Variants in FOCAD observed in about 807,000 individuals in gnomAD.
The protein encoded by FOCAD is focadhesin.
FOCAD carries 198 observed loss-of-function variants against 225.6 expected under a neutral mutation model. The ratio of observed to expected loss-of-function variants is 0.88; its 90% CI spans 0.78 to 0.99. The LOEUF (loss-of-function observed/expected upper bound fraction) is 0.99. Ranked by LOEUF, FOCAD falls within the 50% of genes least tolerant of loss-of-function variation. The pLI is 0.00. For synonymous variants in FOCAD, 897 were observed against 755.0 expected, an observed-to-expected ratio of 1.19 and a Z score of -3.08; for missense variants, 2,713 against 2,123.6, an observed-to-expected ratio of 1.28 and a Z score of -5.46.
At chr9:20,756,016 C>G (rs1397033990) in intron 5 of FOCAD, among the ~76,000 whole-genome samples, 1 of 152,124 alleles carries the variant, frequency 6.6e-6, no homozygotes, top group African/African-American at 2.4e-5. Flanking sequence ...AGAATTTCAT[C>G]TGATACTACA....
At chr9:20,785,849 C>T (rs1819869818) in intron 10 of FOCAD, among the ~76,000 whole-genome samples, 1 of 152,124 alleles carries the variant, frequency 6.6e-6, no homozygotes, top group African/African-American at 2.4e-5. Flanking sequence ...TCCAAAGGGG[C>T]TGCACTATTC....
intron 1 of FOCAD, among the ~76,000 whole-genome samples, chr9:20,684,922 C>A (rs148540585): frequency 6.6e-6 from 1 of 152,356 alleles, no homozygotes; most frequent in East Asian, 1.9e-4. Context: ...ATTTTCGCAG[C>A]AGCTAACGCG....
intron 4 of FOCAD, among the ~76,000 whole-genome samples, chr9:20,724,414 T>C (rs1586946839): frequency 6.6e-6 from 1 of 152,184 alleles, no homozygotes; most frequent in African/African-American, 2.4e-5. Context: ...AATTTTATAA[T>C]AAGCAAATAT....
Position 20,896,892 on chromosome 9 carries a change from A to G in FOCAD, c.2626-10258A>G, listed in dbSNP as rs550909263. The G allele has an allele frequency of 2.0e-5, 3 of 151,970 alleles. No homozygotes were observed. The East Asian group carries it at 5.8e-4, about 30-fold the overall frequency. The allele number at this position is 151,970 out of a possible 1,614,324, so 9.4% of individuals were successfully genotyped here. A position where few individuals can be genotyped will look rare whatever the true frequency, so the allele number is the denominator to read the frequency against. The stretch of plus-strand genomic sequence containing the variant: ...GCTGCCGTTGCATAAAATAGCCTGT[A>G]GATGTCAGTTATATCCAGTTGATTG... On this transcript the variant is annotated intron_variant, in intron 21 of 43. Coordinates refer to ENST00000338382, the MANE Select transcript of FOCAD (RefSeq NM_001375567.1).
chr9:20,927,382 T>G (rs1015364302), intron 26 of FOCAD, among the ~76,000 whole-genome samples: 1 of 152,188 alleles, frequency 6.6e-6, no homozygotes, highest in African/African-American at 2.4e-5. Flanking sequence ...TTCATCATTC[T>G]TATTTTTCTT....
At chr9:20,789,723 T>C in intron 11 of FOCAD, 115 bp downstream of exon 11, 1 of 260,618 alleles carries the variant, frequency 3.8e-6, no homozygotes. Context: ...GGGTTGATGA[T>C]TTTTTTTTTT....
intron 5 of FOCAD, among the ~76,000 whole-genome samples, chr9:20,756,199 G>T (rs1271228335): frequency 6.6e-6 from 1 of 152,118 alleles, no homozygotes; most frequent in East Asian, 1.9e-4. Context: ...TGATCCCTTA[G>T]CAATGGTAGC....
At chr9:20,862,036 C>T (rs1181996831) in intron 15 of FOCAD, among the ~76,000 whole-genome samples, 1 of 152,036 alleles carries the variant, frequency 6.6e-6, no homozygotes, top group East Asian at 1.9e-4. Flanking sequence ...ACTTTTAAGA[C>T]ATCTTAAATT....
chr9:20,775,980 G>T (rs1818715084), intron 8 of FOCAD, among the ~76,000 whole-genome samples: 1 of 151,702 alleles, frequency 6.6e-6, no homozygotes, highest in African/African-American at 2.4e-5. Context: ...GGCAAAAGTA[G>T]AGCCTGGGTT....
At chr9:20,933,569 G>GTA (rs139311676) in intron 28 of FOCAD, among the ~76,000 whole-genome samples, 8,684 of 151,708 alleles carry the variant, frequency 0.057, 281 homozygotes, top group Middle Eastern at 0.11. Context: ...TCGTGTGTGT[G>GTA]TATGTGTGTG....
At chr9:20,831,280 T>C (rs1434931156) in intron 15 of FOCAD, among the ~76,000 whole-genome samples, 1 of 152,008 alleles carries the variant, frequency 6.6e-6, no homozygotes, top group African/African-American at 2.4e-5. Flanking sequence ...CATTCTCCGG[T>C]AGGAAGAGGT....
intron 10 of FOCAD, among the ~76,000 whole-genome samples, chr9:20,784,673 A>T (rs967242574): frequency 6.6e-6 from 1 of 152,194 alleles, no homozygotes; most frequent in Admixed American, 6.5e-5. Context: ...ATGTGTTTTT[A>T]AAAATTAAAT....
intron 5 of FOCAD, 141 bp from the exon 6 acceptor site, chr9:20,757,949 C>T: frequency 2.2e-6 from 1 of 457,464 alleles, no homozygotes; most frequent in Middle Eastern, 3.5e-4. Flanking sequence ...ACAAATGGAG[C>T]AAGTGATCAT....
At chr9:20,773,308 A>G (rs943565064) in intron 8 of FOCAD, among the ~76,000 whole-genome samples, 2 of 152,238 alleles carry the variant, frequency 1.3e-5, no homozygotes, top group African/African-American at 4.8e-5. Context: ...GTTTTAGTCA[A>G]ATGGTTCAAA....
chr9:20,668,966 A>G (rs186842131), intron 2 of FOCAD, among the ~76,000 whole-genome samples: 2 of 152,178 alleles, frequency 1.3e-5, no homozygotes, highest in Non-Finnish European at 2.9e-5. Context: ...CTGGGCTGAC[A>G]TTTTCAAAGG....
chr9:20,663,807 A>G, intron 2 of FOCAD, among the ~76,000 whole-genome samples: 1 of 152,256 alleles, frequency 6.6e-6, no homozygotes, highest in East Asian at 1.9e-4. Context: ...CATTTTCTGT[A>G]AAAACCATCT....
chr9:20,804,804 G>A (rs1251036671), intron 11 of FOCAD, among the ~76,000 whole-genome samples: 1 of 142,692 alleles, frequency 7.0e-6, no homozygotes, highest in South Asian at 2.2e-4. Context: ...ACCCTTCCGG[G>A]AAATCCTTCT....
chr9:20,678,411 A>C (rs1822298967), intron 2 of FOCAD, among the ~76,000 whole-genome samples: 1 of 152,200 alleles, frequency 6.6e-6, no homozygotes, highest in African/African-American at 2.4e-5. Context: ...GAGATCCAGG[A>C]GGGACCAGCA....
intron 18 of FOCAD, among the ~76,000 whole-genome samples, chr9:20,871,282 C>T (rs150243349): frequency 2.2e-3 from 336 of 151,912 alleles, no homozygotes; most frequent in Middle Eastern, 6.8e-3. Flanking sequence ...ATAGGCAGGT[C>T]GTTTTTGTTG....
Sources: allele counts gnomAD v4.1 joint callset (sites outside exome capture counted in the v4.1 genomes callset), GRCh38; gene constraint gnomAD v4.1.1; transcripts MANE v1.5; gene names NCBI Gene and HGNC (gene_info 2026-07-23, HGNC 2026-07-21).